The following PRR5 variants were observed in gnomAD, a reference collection of about 807,000 sequenced individuals.
PRR5 encodes proline-rich protein 5.
Under a neutral mutation model 30.6 loss-of-function variants are expected in PRR5, and 25 were observed. The observed-to-expected ratio is 0.82, with a 90% confidence interval of 0.60 to 1.14. The LOEUF (loss-of-function observed/expected upper bound fraction) is 1.14. PRR5 is among the 50% of genes most tolerant of loss of function. PRR5 has a pLI of 0.00. For missense variants in PRR5, 600 were observed against 547.1 expected (o/e 1.10, Z -0.96); for synonymous variants, 286 against 247.1 (o/e 1.16, Z -1.48).
intron 4 of PRR5, among the ~76,000 whole-genome samples, chr22:44,727,570 A>C (rs995175212): frequency 6.6e-6 from 1 of 152,186 alleles, no homozygotes; most frequent in African/African-American, 2.4e-5. Context: ...AAAGTGAGGC[A>C]CGGTGTCCTG....
At chr22:44,692,090 C>T (rs16992621) in intron 1 of PRR5, among the ~76,000 whole-genome samples, 9,836 of 152,010 alleles carry the variant, frequency 0.065, 1,070 homozygotes, top group African/African-American at 0.23. Context: ...GATGAAAGAA[C>T]GAGTGAAAAA....
At position 44,702,315 on chromosome 22, in the gene PRR5, G is replaced by T; in HGVS notation, c.-160G>T. The T allele has an allele frequency of 8.7e-7, 1 of 1,147,598 alleles. No homozygotes were observed. The highest frequency in any genetic ancestry group is 4.3e-5 in the South Asian group (1 of 23,310). 71.1% of individuals were successfully genotyped at this position (1,147,598 alleles called of 1,614,324 possible). A position where few individuals can be genotyped will look rare whatever the true frequency, so the allele number is the denominator to read the frequency against. ...GGCCGGCGCGGGACCCGAGACGGAG[G>T]CGCGGGGCCGGGGCGGGACCCCGCA... On this transcript the variant is annotated 5_prime_UTR_variant, in exon 1 of 8. Transcript: ENST00000336985.
At chr22:44,714,008 T>G (rs551140886) in intron 1 of PRR5, among the ~76,000 whole-genome samples, 7 of 152,042 alleles carry the variant, frequency 4.6e-5, no homozygotes, top group African/African-American at 1.7e-4. Flanking sequence ...TTTCACCATG[T>G]TCGCCAGGAT....
At chr22:44,713,896 C>G (rs963656006) in intron 1 of PRR5, among the ~76,000 whole-genome samples, 1 of 152,232 alleles carries the variant, frequency 6.6e-6, no homozygotes, top group Non-Finnish European at 1.5e-5. Flanking sequence ...CTCTGCCTCC[C>G]GGGTTCACGC....
intron 2 of PRR5, among the ~76,000 whole-genome samples, chr22:44,720,493 C>G (rs1196744193): frequency 1.3e-5 from 2 of 152,206 alleles, no homozygotes; most frequent in East Asian, 3.8e-4. Context: ...TGCGACCCCT[C>G]CTCTGCCTGG....
intron 1 of PRR5, among the ~76,000 whole-genome samples, chr22:44,678,526 G>A (rs1923971641): frequency 6.6e-6 from 1 of 151,988 alleles, no homozygotes. Context: ...TGTTGGCCAG[G>A]CTGGTCTCGA....
chr22:44,708,469 C>T (rs1252857206), intron 1 of PRR5, among the ~76,000 whole-genome samples: 2 of 152,110 alleles, frequency 1.3e-5, no homozygotes, highest in Non-Finnish European at 2.9e-5. Context: ...GGACAGGAAC[C>T]AGCTGAGGCT....
intron 2 of PRR5, among the ~76,000 whole-genome samples, chr22:44,724,430 G>A (rs1056622227): frequency 6.6e-6 from 1 of 151,464 alleles, no homozygotes; most frequent in Non-Finnish European, 1.5e-5. Context: ...GCAAAACTTC[G>A]TCTCAAAAAG....
At chr22:44,735,726 C>T (rs548939067) in intron 7 of PRR5, among the ~76,000 whole-genome samples, 8 of 152,308 alleles carry the variant, frequency 5.3e-5, no homozygotes, top group Admixed American at 2.0e-4. Flanking sequence ...CAGTGAGTCT[C>T]CTCCACGACC....
chr22:44,702,129 G>GCCCCCGCCCCCTTCCCC (rs1318834043), upstream of PRR5: 4 of 208,278 alleles, frequency 1.9e-5, no homozygotes, highest in Non-Finnish European at 3.5e-5. Context: ...CGCCCGCGAT[G>GCCCCCGCCCCCTTCCCC]CCCCCGCCCC....
intron 6 of PRR5, chr22:44,734,783 T>A (rs1922888759): frequency 1.7e-6 from 1 of 586,066 alleles, no homozygotes; most frequent in Admixed American, 3.1e-5. Flanking sequence ...AGGGCCTTTT[T>A]CCAGGGCACA....
chr22:44,697,302 C>A (rs551644237), upstream of PRR5, among the ~76,000 whole-genome samples: 1 of 152,326 alleles, frequency 6.6e-6, no homozygotes, highest in East Asian at 1.9e-4. Flanking sequence ...GCCGTGCGAC[C>A]ACCCTGGCGG....
At chr22:44,726,867 C>T (rs953481358) in intron 4 of PRR5, among the ~76,000 whole-genome samples, 2 of 152,186 alleles carry the variant, frequency 1.3e-5, no homozygotes, top group African/African-American at 4.8e-5. Context: ...GGCTATGAGA[C>T]ATCGGGGAAA....
upstream of PRR5, among the ~76,000 whole-genome samples, chr22:44,675,605 C>T (rs1923697003): frequency 6.6e-6 from 1 of 152,098 alleles, no homozygotes; most frequent in African/African-American, 2.4e-5. Context: ...GGGCTCTCAC[C>T]CTCCCTGCAT....
chr22:44,675,762 GTTATTATTA>G (rs150864660), upstream of PRR5, among the ~76,000 whole-genome samples: 6,523 of 142,936 alleles, frequency 0.046, 283 homozygotes, highest in African/African-American at 0.12. Flanking sequence ...TGTTGCTGTT[GTTATTATTA>G]TTATTATTAT....
rs1485960124 is a variant in PRR5, at chr22:44,737,370, A to G, written c.*123A>G. ...TCCCGCCAGCCCTATCGGCCTCGTC[A>G]CTGGCCTTGGTCACTTTGTATTTCT... On this transcript the variant is annotated 3_prime_UTR_variant, in exon 8 of 8. Coordinates refer to ENST00000336985, the MANE Select transcript of PRR5 (RefSeq NM_181333.4). 2.8e-6 allele frequency: 4 copies of G among 1,423,632 alleles called. No individual in the cohort carries two copies. The African/African-American group carries it at 5.7e-5, about 20-fold the overall frequency. The allele number at this position is 1,423,632 out of a possible 1,614,324, so 88.2% of individuals were successfully genotyped here. A position where few individuals can be genotyped will look rare whatever the true frequency, so the allele number is the denominator to read the frequency against.
Position 44,691,667 on chromosome 22 carries a change from A to G in PRR5, c.-10-10825A>G, listed in dbSNP as rs1925251500. On this transcript the variant is annotated intron_variant, in intron 1 of 8. Coordinates refer to the PRR5 transcript ENST00000006251. The surrounding 1 kb of genome is among the most constrained non-coding windows in gnomAD (Gnocchi z 4.4). ...TGCACGCCTGTAATCGCAGCTACTC[A>G]GGAGGCTGAGGAAGGAGAATCGCTT... 6.6e-6 allele frequency among the ~76,000 whole-genome samples: 1 copy of G among 152,184 alleles called. No individual in the cohort carries two copies. Among genetic ancestry groups the G allele is most frequent in the South Asian group, 2.1e-4 (1 of 4,832 alleles).
chr22:44,713,268 C>T (rs1928534948), intron 1 of PRR5, among the ~76,000 whole-genome samples: 1 of 152,142 alleles, frequency 6.6e-6, no homozygotes, highest in South Asian at 2.1e-4. Flanking sequence ...GAGGTCCAGG[C>T]AAGCCAGGAA....
intron 1 of PRR5, among the ~76,000 whole-genome samples, chr22:44,694,955 G>A (rs1168181680): frequency 6.6e-6 from 1 of 152,096 alleles, no homozygotes; most frequent in East Asian, 1.9e-4. Flanking sequence ...CTGATCACTT[G>A]AGGTCCGGAG....
Sources: gnomAD v4.1 joint callset for allele counts (sites outside exome capture counted in the v4.1 genomes callset) on GRCh38, gnomAD v4.1.1 for gene constraint, Gnocchi (gnomAD v3.1) non-coding constraint, MANE v1.5 for transcripts, NCBI Gene and HGNC (gene_info 2026-07-23, HGNC 2026-07-21) for gene names.